MIF4GD: variants seen among roughly 807,000 people sequenced by gnomAD.
The protein encoded by MIF4GD is MIF4G domain-containing protein.
A neutral mutation model predicts 26.7 loss-of-function variants in MIF4GD; 22 were observed. That is an observed-to-expected ratio of 0.82 (90% confidence interval 0.59 to 1.18). The LOEUF is 1.18. Among genes scored for constraint, MIF4GD ranks in the 50% most tolerant of loss-of-function variants. The pLI, the probability that MIF4GD is intolerant of heterozygous loss-of-function variation, is 0.00. For missense variants in MIF4GD, 262 were observed against 279.6 expected (o/e 0.94, Z 0.45); for synonymous variants, 137 against 111.6 (o/e 1.23, Z -1.43).
chr17:75,269,635 T>C (rs1214606359), intron 2 of MIF4GD, among the ~76,000 whole-genome samples: 7 of 135,922 alleles, frequency 5.2e-5, no homozygotes, highest in African/African-American at 1.9e-4. Flanking sequence ...TCATGGCTCA[T>C]GGCACCCTCA....
chr17:75,269,259 C>A, intron 2 of MIF4GD: 1 of 1,488,990 alleles, frequency 6.7e-7, no homozygotes, highest in South Asian at 1.2e-5. Flanking sequence ...CACATGCAAA[C>A]CCCCAACAAG....
chr17:75,268,937 G>T (rs532968301), intron 2 of MIF4GD, among the ~76,000 whole-genome samples: 1 of 152,156 alleles, frequency 6.6e-6, no homozygotes, highest in Admixed American at 6.5e-5. Context: ...CTGGGAGGCG[G>T]AGGTTGCAGT....
rs751054843 is a variant in MIF4GD at position 75,266,876 on chromosome 17, C to T, written c.533G>A (p.Arg178Gln). 6 of 1,614,214 alleles carry T rather than the reference C, an allele frequency of 3.7e-6. No homozygotes were observed. The highest frequency in any genetic ancestry group is 1.1e-5 in the South Asian group (1 of 91,090). The change falls in exon 6 of 6, where the codon CGG becomes CAG. Residue 178 changes from arginine (R) to glutamine (Q), a missense_variant. Arg to Gln is a conservative substitution (Grantham distance 43, BLOSUM62 1). Coordinates refer to ENST00000325102, the MANE Select transcript of MIF4GD (RefSeq NM_001370592.1). ...QRMDELFVLI[R>Q]DGFLLPTGLS... is the part of the protein sequence containing the mutation. ...GCCAGTTGGGAGCAGGAAGCCATCC[C>T]GGATCAGCACAAAGAGCTCATCCAT...
Position 75,267,638 on chromosome 17 carries a change from G to C in MIF4GD, c.349-8C>G. 6.2e-7 allele frequency: 1 copy of C among 1,614,190 alleles called. No homozygotes were observed. The highest frequency in any genetic ancestry group is 8.5e-7 in the Non-Finnish European group (1 of 1,180,006). ...CATGGGCATGTTGTTCACCTGTGAGGAAGAGGAGGGGTCAGAGCACCAGGC... is the reference window on the plus strand; with the variant it reads ...CATGGGCATGTTGTTCACCTGTGAGCAAGAGGAGGGGTCAGAGCACCAGGC... On this transcript the variant is annotated splice_polypyrimidine_tract_variant and splice_region_variant and intron_variant, in intron 4 of 5. Coordinates refer to ENST00000325102, the MANE Select transcript of MIF4GD (RefSeq NM_001370592.1).
Position 75,271,102 on chromosome 17 carries a change from G to C in MIF4GD, c.-51+42C>G, listed in dbSNP as rs2145711974. On this transcript the variant is annotated intron_variant, in intron 1 of 5. Coordinates refer to ENST00000325102, the MANE Select transcript of MIF4GD (RefSeq NM_001370592.1). This position sits in a 1 kb window ranked among gnomAD's most constrained non-coding sequence, Gnocchi z 4.2. ...GCGGGCTGCGGAGCCCACGGCCCAG[G>C]GTCCCGCGGGCGGGAGAGGCGGCGT... 1 of 150,780 alleles carries C rather than the reference G, an allele frequency of 6.6e-6. No homozygotes were observed. Among genetic ancestry groups the C allele is most frequent in the South Asian group, 2.1e-4 (1 of 4,826 alleles). 9.3% of individuals were successfully genotyped at this position (150,780 alleles called of 1,614,324 possible). A position where few individuals can be genotyped will look rare whatever the true frequency, so the allele number is the denominator to read the frequency against.
At position 75,267,729 on chromosome 17, in the gene MIF4GD, GGCT is replaced by G. The variant is rs1567821902; in HGVS notation, c.348+14_348+16del. ...ACAGGCCATGTCTGCCTCCCAGGGT[GGCT>G]GCCGGGGCCTCACCCTCAGGTAGTC... On this transcript the variant is annotated intron_variant, in intron 4 of 5. Transcript: ENST00000325102. 6.2e-7 allele frequency: 1 copy of G among 1,612,210 alleles called. No individual in the cohort carries two copies. Among genetic ancestry groups the G allele is most frequent in the Non-Finnish European group, 8.5e-7 (1 of 1,178,694 alleles).
intron 2 of MIF4GD, chr17:75,269,615 A>C: frequency 3.6e-6 from 3 of 833,506 alleles, no homozygotes; most frequent in Non-Finnish European, 5.2e-6. Context: ...GCTGGAGTGC[A>C]GTGGCAGGAT....
intron 5 of MIF4GD, among the ~76,000 whole-genome samples, chr17:75,267,236 T>C (rs1428356008): frequency 6.6e-6 from 1 of 152,064 alleles, no homozygotes; most frequent in South Asian, 2.1e-4. Context: ...TGCCTGACCC[T>C]GGTTTGGCTT....
intron 2 of MIF4GD, among the ~76,000 whole-genome samples, chr17:75,268,612 C>A (rs902855333): frequency 9.6e-5 from 14 of 145,200 alleles, no homozygotes; most frequent in Non-Finnish European, 1.5e-4. Flanking sequence ...GCGGAGGTTG[C>A]AGTGAGCCGA....
chr17:75,268,243 G>A, intron 2 of MIF4GD, 51 bp from the exon 3 acceptor site: 1 of 1,358,356 alleles, frequency 7.4e-7, no homozygotes, highest in Non-Finnish European at 1.1e-6. Context: ...TATCACATTT[G>A]TGTCCACCCG....
rs1598154900 is a variant in MIF4GD, at chr17:75,267,562, T to G, written c.417A>C (p.Pro139=). 1 of 1,614,142 alleles carries G rather than the reference T, an allele frequency of 6.2e-7. No individual in the cohort carries two copies. Residue 139 remains proline (P), a synonymous_variant, in exon 5 of 6, where the codon CCA becomes CCC. Coordinates refer to ENST00000325102, the MANE Select transcript of MIF4GD (RefSeq NM_001370592.1). The part of the protein sequence containing the change: ...VYDCLFRLAQ[P]DSLSKEEEVD... ...CCTCCTCCTCCTTGCTCAAACTGTC[T>G]GGCTGGGCCAGCCGGAAGAGGCAGT...
Position 75,267,546 on chromosome 17 carries a change from C to G in MIF4GD, c.433G>C (p.Glu145Gln). 1 of 1,614,186 alleles carries G rather than the reference C, an allele frequency of 6.2e-7. No homozygotes were observed. Among genetic ancestry groups the G allele is most frequent in the Non-Finnish European group, 8.5e-7 (1 of 1,180,016 alleles). Residue 145 changes from glutamate to glutamine, a missense_variant, in exon 5 of 6, where the codon GAG (glutamate) becomes CAG (glutamine). Coordinates refer to ENST00000325102, the MANE Select transcript of MIF4GD (RefSeq NM_001370592.1). ...GGGCTGGGGCCACCCACCTCCTCCT[C>G]CTTGCTCAAACTGTCTGGCTGGGCC... ...RLAQPDSLSK[E>Q]EEVDCLVLQL...
In MIF4GD at chr17:75,270,368, G is replaced by A; in HGVS notation, c.-50-123C>T. On this transcript the variant is annotated intron_variant, in intron 1 of 5. Transcript: ENST00000325102. The surrounding 1 kb of genome is among the most constrained non-coding windows in gnomAD (Gnocchi z 5.7). ...GGGACTCCTGGGCGGTCCGTGGCGTGCGGTGGTTGGCTGAAGGCCCACCAG... is the reference window on the plus strand; with the variant it reads ...GGGACTCCTGGGCGGTCCGTGGCGTACGGTGGTTGGCTGAAGGCCCACCAG... 1.6e-6 allele frequency: 1 copy of A among 606,778 alleles called. No individual in the cohort carries two copies. Among genetic ancestry groups the A allele is most frequent in the Non-Finnish European group, 2.9e-6 (1 of 339,734 alleles). The allele number at this position is 606,778 out of a possible 1,614,324, so 37.6% of individuals were successfully genotyped here. A position where few individuals can be genotyped will look rare whatever the true frequency, so the allele number is the denominator to read the frequency against.
chr17:75,268,289 CAT>C (rs1461404014), intron 2 of MIF4GD, 97 bp from the exon 3 acceptor site: 11 of 906,048 alleles, frequency 1.2e-5, no homozygotes, highest in African/African-American at 1.6e-5. Flanking sequence ...GTAGAGCACT[CAT>C]ATGCTTGAAG....
In MIF4GD at chr17:75,270,264, G is replaced by A; in HGVS notation, c.-50-19C>T. 3 of 1,404,286 alleles carry A rather than the reference G, an allele frequency of 2.1e-6. No individual in the cohort carries two copies. The highest frequency in any genetic ancestry group is 1.7e-5 in the Admixed American group (1 of 59,664). 87.0% of individuals were successfully genotyped at this position (1,404,286 alleles called of 1,614,324 possible). On this transcript the variant is annotated intron_variant, in intron 1 of 5. Transcript: ENST00000325102. The surrounding 1 kb of genome is among the most constrained non-coding windows in gnomAD (Gnocchi z 5.7). ...ACAGCACCTGAGGAGAAGAGGCGAA[G>A]GGAGCGGCCTCAGGTGTGGAGCGCA... is the stretch of plus-strand genomic sequence containing the variant.
Position 75,271,171 on chromosome 17 carries a change from C to G in MIF4GD, c.-78G>C, listed in dbSNP as rs1409111251. On this transcript the variant is annotated 5_prime_UTR_variant, in exon 1 of 6. Transcript: ENST00000325102. This position sits in a 1 kb window ranked among gnomAD's most constrained non-coding sequence, Gnocchi z 4.2. ...GCCGGGCCGGTGGCGCGCGCGCGTG[C>G]CCGGGGCCGCTCGGCGCCTGGGAGC... is the stretch of plus-strand genomic sequence containing the variant. The G allele has an allele frequency of 6.7e-6, 1 of 148,526 alleles. No individual in the cohort carries two copies. Among genetic ancestry groups the G allele is most frequent in the Non-Finnish European group, 1.5e-5 (1 of 66,642 alleles). 9.2% of individuals were successfully genotyped at this position (148,526 alleles called of 1,614,324 possible). A position where few individuals can be genotyped will look rare whatever the true frequency, so the allele number is the denominator to read the frequency against.
chr17:75,267,853 TG>T lies in MIF4GD; in HGVS notation c.240del (p.Asn81ThrfsTer35), dbSNP rs1329175256. On this transcript the variant is annotated frameshift_variant, in exon 4 of 6. Coordinates refer to ENST00000325102, the MANE Select transcript of MIF4GD (RefSeq NM_001370592.1). LOFTEE classifies it high-confidence loss of function. ...GCCTGGTACTCCTGCTGCAGCCGGT[TG>T]AGGAGTCCACGTCGGAAGACACTCT... The part of the protein sequence containing the change: ...AGQSVFRRGL[L>X]NRLQQEYQAR... 5 of 1,613,852 alleles carry T rather than the reference TG, an allele frequency of 3.1e-6. No homozygotes were observed. Among genetic ancestry groups the T allele is most frequent in the Non-Finnish European group, 4.2e-6 (5 of 1,180,016 alleles).
In MIF4GD at chr17:75,266,583, G is replaced by A. The variant is rs2077490694; in HGVS notation, c.*157C>T. ...GGCTCAGGGCAGGACCACGGCATAA[G>A]TGGGAAACATCTCACCAGGAGATGG... On this transcript the variant is annotated 3_prime_UTR_variant, in exon 6 of 6. Coordinates refer to ENST00000325102, the MANE Select transcript of MIF4GD (RefSeq NM_001370592.1). The A allele has an allele frequency of 2.8e-6, 2 of 724,062 alleles. No homozygotes were observed. The highest frequency in any genetic ancestry group is 4.9e-5 in the Admixed American group (2 of 40,884). 44.9% of individuals were successfully genotyped at this position (724,062 alleles called of 1,614,324 possible).
chr17:75,270,445 T>G lies in MIF4GD; in HGVS notation c.-50-200A>C, dbSNP rs1445664660. The G allele has an allele frequency of 2.0e-6, 1 of 492,662 alleles. No homozygotes were observed. The highest frequency in any genetic ancestry group is 3.7e-6 in the Non-Finnish European group (1 of 270,366). 30.5% of individuals were successfully genotyped at this position (492,662 alleles called of 1,614,324 possible). On this transcript the variant is annotated intron_variant, in intron 1 of 5. Coordinates refer to ENST00000325102, the MANE Select transcript of MIF4GD (RefSeq NM_001370592.1). The surrounding 1 kb of genome is among the most constrained non-coding windows in gnomAD (Gnocchi z 5.7). Reference sequence around the variant, plus strand: ...TCAGCCAGGCACCTGCTGCTCAGTTTAGAAATCCCTCGCTTGTGGGATTAC... The same window carrying G: ...TCAGCCAGGCACCTGCTGCTCAGTTGAGAAATCCCTCGCTTGTGGGATTAC...
Sources: allele counts gnomAD v4.1 joint callset (sites outside exome capture counted in the v4.1 genomes callset), GRCh38; gene constraint gnomAD v4.1.1; non-coding constraint Gnocchi (gnomAD v3.1); transcripts MANE v1.5; gene names NCBI Gene and HGNC (gene_info 2026-07-23, HGNC 2026-07-21).